Variants in ADAMTS6 observed in about 807,000 individuals in gnomAD.
ADAMTS6 encodes the protein A disintegrin and metalloproteinase with thrombospondin motifs 6.
In ADAMTS6, 23 loss-of-function variants were observed where a neutral mutation model predicts 144.3. That is an observed-to-expected ratio of 0.16 (90% CI 0.11 to 0.23). The LOEUF (loss-of-function observed/expected upper bound fraction) is 0.23, where lower values mean the gene tolerates loss of function less well. ADAMTS6 is among the 10% of genes least tolerant of loss of function. The pLI is 1.00. For missense variants in ADAMTS6, 999 were observed against 1,379.6 expected (o/e 0.72, Z 4.37); for synonymous variants, 444 against 457.5 (o/e 0.97, Z 0.38).
rs558468971 is a variant in ADAMTS6 at position 65,187,925 on chromosome 5, T to C, written c.2910+91A>G. The C allele has an allele frequency of 1.3e-5, 17 of 1,302,226 alleles. No homozygotes were observed. In the Middle Eastern group the frequency reaches 5.9e-4, roughly 45 times the overall value. The allele number at this position is 1,302,226 out of a possible 1,614,324, so 80.7% of individuals were successfully genotyped here. ...TACACAGCCCTTACTTGTTGAGTTCTAAGATGTTCAGGTGTCCTTAATATT... is the reference window on the plus strand; with the variant it reads ...TACACAGCCCTTACTTGTTGAGTTCCAAGATGTTCAGGTGTCCTTAATATT... On this transcript the variant is annotated intron_variant, in intron 22 of 24. Transcript: ENST00000381055.
chr5:65,425,425 A>G (rs1316750383), intron 7 of ADAMTS6, among the ~76,000 whole-genome samples: 14 of 152,178 alleles, frequency 9.2e-5, no homozygotes, highest in Admixed American at 9.2e-4. Context: ...TCATATTCTG[A>G]AGCCAATAAC....
At chr5:65,269,354 C>T (rs186893870) in intron 12 of ADAMTS6, among the ~76,000 whole-genome samples, 24 of 152,206 alleles carry the variant, frequency 1.6e-4, no homozygotes, top group Non-Finnish European at 2.8e-4. Flanking sequence ...ATATGCTTAG[C>T]TCAATGTTCT....
At chr5:65,285,274 G>A (rs1763276736) in intron 11 of ADAMTS6, among the ~76,000 whole-genome samples, 4 of 151,930 alleles carry the variant, frequency 2.6e-5, no homozygotes, top group Admixed American at 2.6e-4. Flanking sequence ...TCTTTTGTGT[G>A]GTGTTTATTT....
intron 7 of ADAMTS6, among the ~76,000 whole-genome samples, chr5:65,400,141 T>A (rs190403359): frequency 2.6e-5 from 4 of 152,164 alleles, no homozygotes; most frequent in Non-Finnish European, 5.9e-5. Flanking sequence ...TGTTCCTCTA[T>A]AGGTAAGATT....
At chr5:65,354,394 CTACAAATAA>C (rs1749133787) in intron 7 of ADAMTS6, among the ~76,000 whole-genome samples, 1 of 151,472 alleles carries the variant, frequency 6.6e-6, no homozygotes. Context: ...CTTATGATTT[CTACAAATAA>C]TACAAATAAT....
intron 11 of ADAMTS6, among the ~76,000 whole-genome samples, chr5:65,290,857 T>C (rs1203968685): frequency 6.6e-6 from 1 of 152,162 alleles, no homozygotes; most frequent in Non-Finnish European, 1.5e-5. Context: ...TGTCATCTTG[T>C]TCCTGCTTGG....
At chr5:65,175,872 GA>G (rs35444401) in intron 22 of ADAMTS6, among the ~76,000 whole-genome samples, 90,148 of 144,292 alleles carry the variant, frequency 0.62, 27,501 homozygotes, top group Admixed American at 0.65. Context: ...GTAATTGAAG[GA>G]AAAAAAAAAA....
At chr5:65,226,303 A>G (rs1757719347) in intron 15 of ADAMTS6, 84 bp from the exon 16 acceptor site, 2 of 1,389,448 alleles carry the variant, frequency 1.4e-6, no homozygotes, top group African/African-American at 2.9e-5. Flanking sequence ...CAAATTTATA[A>G]TTCACGTAGA....
intron 20 of ADAMTS6, among the ~76,000 whole-genome samples, chr5:65,204,261 T>C (rs1396707746): frequency 1.3e-5 from 2 of 152,306 alleles, no homozygotes; most frequent in South Asian, 2.1e-4. Context: ...AGTAGTTATA[T>C]AGGAGAAGCC....
intron 24 of ADAMTS6, among the ~76,000 whole-genome samples, chr5:65,162,479 C>T (rs1303234158): frequency 6.6e-6 from 1 of 151,928 alleles, no homozygotes; most frequent in African/African-American, 2.4e-5. Context: ...GTACTTGGAC[C>T]CTACCAAATG....
chr5:65,245,086 T>C (rs1490670995), intron 14 of ADAMTS6, among the ~76,000 whole-genome samples: 1 of 152,162 alleles, frequency 6.6e-6, no homozygotes, highest in Admixed American at 6.6e-5. Flanking sequence ...CGTATTTACT[T>C]CCTAGGCAAC....
At chr5:65,372,072 T>G (rs1274091941) in intron 7 of ADAMTS6, among the ~76,000 whole-genome samples, 2 of 151,740 alleles carry the variant, frequency 1.3e-5, no homozygotes, top group African/African-American at 4.9e-5. Flanking sequence ...AAGCAAATGC[T>G]GAGAGATTTT....
At chr5:65,319,841 T>TTTTG (rs1345601683) in intron 9 of ADAMTS6, among the ~76,000 whole-genome samples, 1 of 151,564 alleles carries the variant, frequency 6.6e-6, no homozygotes, top group African/African-American at 2.4e-5. Context: ...CAAAAGGTTT[T>TTTTG]TTTGTTTGTT....
chr5:65,400,522 T>G (rs1753830397), intron 7 of ADAMTS6, among the ~76,000 whole-genome samples: 1 of 152,220 alleles, frequency 6.6e-6, no homozygotes, highest in African/African-American at 2.4e-5. Context: ...AGCTAGGTTT[T>G]TTCTTATTCT....
intron 7 of ADAMTS6, among the ~76,000 whole-genome samples, chr5:65,382,870 C>T (rs149882322): frequency 6.6e-6 from 1 of 152,256 alleles, no homozygotes; most frequent in African/African-American, 2.4e-5. Flanking sequence ...AATTTATAAA[C>T]AACAGAAATT....
At chr5:65,264,213 T>TA (rs918333952) in intron 12 of ADAMTS6, among the ~76,000 whole-genome samples, 1 of 152,120 alleles carries the variant, frequency 6.6e-6, no homozygotes, top group Non-Finnish European at 1.5e-5. Context: ...CCTTTTTGCT[T>TA]AAAAAAACTC....
At chr5:65,327,817 T>C (rs1263064651) in intron 9 of ADAMTS6, among the ~76,000 whole-genome samples, 3 of 152,202 alleles carry the variant, frequency 2.0e-5, no homozygotes, top group Non-Finnish European at 1.5e-5. Context: ...TGTGTTGACA[T>C]TGACTAACTT....
intron 14 of ADAMTS6, chr5:65,251,301 C>A (rs192217363): frequency 6.6e-6 from 1 of 152,140 alleles, no homozygotes; most frequent in African/African-American, 2.4e-5. Flanking sequence ...TGTGCAAAAA[C>A]GAGAACTGTG....
At chr5:65,226,058 C>T in intron 16 of ADAMTS6, 28 bp downstream of exon 16, 1 of 1,575,314 alleles carries the variant, frequency 6.3e-7, no homozygotes, top group Non-Finnish European at 8.6e-7. Flanking sequence ...TCAAAAACCC[C>T]AACAGAAAGG....
Sources: allele counts gnomAD v4.1 joint callset (sites outside exome capture counted in the v4.1 genomes callset), GRCh38; gene constraint gnomAD v4.1.1; transcripts MANE v1.5; gene names NCBI Gene and HGNC (gene_info 2026-07-23, HGNC 2026-07-21).